Variants in JAM2 observed in about 807,000 individuals in gnomAD.
JAM2 encodes the protein junctional adhesion molecule 2.
In JAM2, 17 loss-of-function variants were observed where a neutral mutation model predicts 42.0. That is an observed-to-expected ratio of 0.40 (90% CI 0.28 to 0.61). JAM2 has a LOEUF of 0.61. Among genes scored for constraint, JAM2 ranks in the 20% least tolerant of loss-of-function variants. The pLI is 0.37. For missense variants in JAM2, 319 were observed against 358.3 expected, an observed-to-expected ratio of 0.89 and a Z score of 0.89; for synonymous variants, 118 against 128.6, an observed-to-expected ratio of 0.92 and a Z score of 0.56.
chr21:25,661,896 T>A (rs9808828), intron 1 of JAM2, among the ~76,000 whole-genome samples: 67,559 of 151,952 alleles, frequency 0.44, 18,789 homozygotes, highest in African/African-American at 0.77. Flanking sequence ...GAGCAAAAAA[T>A]TTAAATGGGA....
In JAM2 at chr21:25,716,517, CA is replaced by C. The variant is rs2034483469; in HGVS notation, c.*1849del. 6.7e-6 allele frequency: 1 copy of C among 149,662 alleles called. No homozygotes were observed. Among genetic ancestry groups the C allele is most frequent in the African/African-American group, 2.6e-5 (1 of 38,986 alleles). The allele number at this position is 149,662 out of a possible 1,614,324, so 9.3% of individuals were successfully genotyped here. On this transcript the variant is annotated 3_prime_UTR_variant, in exon 10 of 10. Transcript: ENST00000480456. ...GGCTTCTGTAACATGGCTCTGCCCC[CA>C]AAATAAAATTTTCACCACGAGTCAG...
chr21:25,660,459 A>G (rs893338214), intron 1 of JAM2, among the ~76,000 whole-genome samples: 2 of 152,078 alleles, frequency 1.3e-5, no homozygotes, highest in African/African-American at 2.4e-5. Context: ...GTGAAATTTT[A>G]TGGGACCTAT....
Position 25,715,920 on chromosome 21 carries a change from C to T in JAM2, c.*1248C>T, listed in dbSNP as rs2034469405. On this transcript the variant is annotated 3_prime_UTR_variant, in exon 10 of 10. Transcript: ENST00000480456. ...CTAGGGCATGTCCTATTCTTCTGGG[C>T]AAATGTGGATGAAAAGGTCACTTGC... The T allele has an allele frequency of 1.3e-5, 2 of 150,966 alleles. No homozygotes were observed. The highest frequency in any genetic ancestry group is 2.9e-5 in the Non-Finnish European group (2 of 67,872). The allele number at this position is 150,966 out of a possible 1,614,324, so 9.4% of individuals were successfully genotyped here.
chr21:25,647,022 G>A (rs188571759), intron 1 of JAM2, among the ~76,000 whole-genome samples: 32 of 152,266 alleles, frequency 2.1e-4, no homozygotes, highest in African/African-American at 7.5e-4. Flanking sequence ...AACCTGGTCT[G>A]TCTTCTTTAT....
chr21:25,698,061 G>A (rs1303858032), intron 4 of JAM2, among the ~76,000 whole-genome samples: 3 of 151,826 alleles, frequency 2.0e-5, no homozygotes, highest in Admixed American at 2.0e-4. Flanking sequence ...ACCAATTGAA[G>A]AAAACAGTAG....
At chr21:25,707,184 TAGAAG>T (rs1422199952) in intron 7 of JAM2, among the ~76,000 whole-genome samples, 2 of 152,184 alleles carry the variant, frequency 1.3e-5, no homozygotes, top group Admixed American at 6.5e-5. Context: ...CAACTGTATT[TAGAAG>T]AGAATTGTTC....
At chr21:25,706,901 G>A (rs1014484578) in intron 7 of JAM2, among the ~76,000 whole-genome samples, 6 of 151,918 alleles carry the variant, frequency 3.9e-5, no homozygotes, top group East Asian at 1.9e-4. Flanking sequence ...CACCACGCCC[G>A]GCTAATTTTT....
Position 25,689,973 on chromosome 21 carries a change from G to A in JAM2, c.241G>A (p.Gly81Ser), listed in dbSNP as rs762937687. ...TGTCTACTATCAACAGACTCTTCAA[G>A]GTAAGCAGCTGTAGGCTTGAAGAGG... The part of the protein sequence containing the change: ...SFVYYQQTLQ[G>S]DFKNRAEMID... The change falls in exon 3 of 10, where the codon GGT becomes AGT. Residue 81 changes from glycine to serine, a missense_variant and splice_region_variant. Gly to Ser is a moderately conservative substitution (Grantham distance 56). Transcript: ENST00000480456. 4 of 1,587,672 alleles carry A rather than the reference G, an allele frequency of 2.5e-6. No homozygotes were observed. In the Admixed American group the frequency reaches 6.7e-5, roughly 26 times the overall value.
At chr21:25,706,826 A>G (rs897181291) in intron 7 of JAM2, among the ~76,000 whole-genome samples, 4 of 151,862 alleles carry the variant, frequency 2.6e-5, no homozygotes, top group African/African-American at 7.3e-5. Flanking sequence ...TGCAAGCTCC[A>G]CCTCCCAGGT....
intron 1 of JAM2, among the ~76,000 whole-genome samples, chr21:25,657,917 G>C (rs1385318531): frequency 1.3e-5 from 2 of 152,078 alleles, no homozygotes. Flanking sequence ...AAGAAAATAG[G>C]CTCCAAAAAT....
chr21:25,709,487 T>C (rs1225970687), intron 8 of JAM2, 38 bp downstream of exon 8: 1 of 1,359,788 alleles, frequency 7.4e-7, no homozygotes, highest in Non-Finnish European at 1.0e-6. Flanking sequence ...CTTTCTCCTA[T>C]GTCAACTAAT....
In JAM2 at chr21:25,717,007, C is replaced by A. The variant is rs370365600; in HGVS notation, c.*2335C>A. ...GAAAATATGTAGTGCCTTAGCTTCA[C>A]TAATAGTTGTAAAACTTCTTTTTAA... On this transcript the variant is annotated 3_prime_UTR_variant, in exon 10 of 10. Transcript: ENST00000480456. 1 of 152,338 alleles carries A rather than the reference C, an allele frequency of 6.6e-6. No homozygotes were observed. The highest frequency in any genetic ancestry group is 2.1e-4 in the South Asian group (1 of 4,832). 9.4% of individuals were successfully genotyped at this position (152,338 alleles called of 1,614,324 possible).
chr21:25,713,426 T>G (rs1469517039), intron 9 of JAM2, among the ~76,000 whole-genome samples: 1 of 151,934 alleles, frequency 6.6e-6, no homozygotes, highest in Non-Finnish European at 1.5e-5. Flanking sequence ...AGGAATATAG[T>G]GGGTTGGGGC....
chr21:25,674,794 C>T (rs942112209), intron 1 of JAM2, among the ~76,000 whole-genome samples: 8 of 150,982 alleles, frequency 5.3e-5, no homozygotes, highest in Admixed American at 3.3e-4. Context: ...TATGGTTAGA[C>T]GATAATGAGA....
In JAM2 at chr21:25,658,299, T is replaced by C. The variant is rs138453251; in HGVS notation, c.67+18411T>C. On this transcript the variant is annotated intron_variant, in intron 1 of 9. Coordinates refer to ENST00000480456, the MANE Select transcript of JAM2 (RefSeq NM_021219.4). ...ACTTGTAGAACCAGAGAAATCATGG[T>C]ATTTAATTGAGAAGGAATTATTTAT... Among the ~76,000 whole-genome samples the C allele has an allele frequency of 5.9e-3, 892 of 152,252 alleles. 18 individuals carry two copies. Among genetic ancestry groups the C allele is most frequent in the African/African-American group, 0.021 (863 of 41,572 alleles).
At chr21:25,642,220 G>A (rs1029226355) in intron 1 of JAM2, among the ~76,000 whole-genome samples, 1 of 151,928 alleles carries the variant, frequency 6.6e-6, no homozygotes, top group Admixed American at 6.6e-5. Context: ...TCTTCAGGAA[G>A]GAGAGTTATG....
intron 1 of JAM2, among the ~76,000 whole-genome samples, chr21:25,649,583 C>T (rs929055561): frequency 2.6e-5 from 4 of 152,090 alleles, no homozygotes; most frequent in Non-Finnish European, 4.4e-5. Flanking sequence ...ACAACCAAAC[C>T]GTATTAGCAT....
chr21:25,665,841 G>A lies in JAM2; in HGVS notation c.68-18042G>A, dbSNP rs546819145. On this transcript the variant is annotated intron_variant, in intron 1 of 9. Coordinates refer to ENST00000480456, the MANE Select transcript of JAM2 (RefSeq NM_021219.4). ...GGATTACTTGAGGTCAGGAGTTCGA[G>A]AGCAGCTTGGCAAACATGGCAAAAT... is the stretch of plus-strand genomic sequence containing the variant. Among the ~76,000 whole-genome samples the A allele has an allele frequency of 7.9e-5, 12 of 152,128 alleles. No individual in the cohort carries two copies. The South Asian group carries it at 2.3e-3, about 29-fold the overall frequency.
chr21:25,686,475 C>T (rs947094179), intron 2 of JAM2, among the ~76,000 whole-genome samples: 2 of 152,004 alleles, frequency 1.3e-5, no homozygotes, highest in Non-Finnish European at 2.9e-5. Flanking sequence ...CCTATTTGTT[C>T]ATTTGTTATG....
Sources: gnomAD v4.1 joint callset for allele counts (sites outside exome capture counted in the v4.1 genomes callset) on GRCh38, gnomAD v4.1.1 for gene constraint, MANE v1.5 for transcripts, NCBI Gene and HGNC (gene_info 2026-07-23, HGNC 2026-07-21) for gene names.